Variants in WDR49 observed in about 807,000 individuals in gnomAD.
WDR49 encodes the protein WD repeat domain 49.
Under a neutral mutation model 119.5 loss-of-function variants are expected in WDR49, and 107 were observed. That is an observed-to-expected ratio of 0.90 (90% CI 0.77 to 1.05). The LOEUF is 1.05. Among genes scored for constraint, WDR49 ranks in the 50% least tolerant of loss-of-function variants. WDR49 has a pLI of 0.00. For synonymous variants in WDR49, 425 were observed against 418.8 expected (o/e 1.01, Z -0.18); for missense variants, 1,240 against 1,220.5 (o/e 1.02, Z -0.24).
intron 5 of WDR49, among the ~76,000 whole-genome samples, chr3:167,615,458 A>G (rs903042954): frequency 1.3e-4 from 20 of 151,814 alleles, no homozygotes; most frequent in African/African-American, 4.3e-4. Context: ...AAAAAAAAAA[A>G]AAAAGAAAGA....
At chr3:167,534,432 G>T (rs1237203422) in intron 11 of WDR49, among the ~76,000 whole-genome samples, 1 of 152,128 alleles carries the variant, frequency 6.6e-6, no homozygotes, top group Non-Finnish European at 1.5e-5. Flanking sequence ...TTACACTTCA[G>T]TGCCCATCAC....
chr3:167,562,036 G>T (rs1039448289), intron 8 of WDR49, among the ~76,000 whole-genome samples: 1 of 151,956 alleles, frequency 6.6e-6, no homozygotes, highest in African/African-American at 2.4e-5. Context: ...AGCTGAAGAT[G>T]GAATTTTAGA....
chr3:167,641,379 G>T (rs1251043150), intron 2 of WDR49, among the ~76,000 whole-genome samples: 1 of 151,682 alleles, frequency 6.6e-6, no homozygotes, highest in East Asian at 1.9e-4. Context: ...CTTTTTCTGT[G>T]GTACTTACAG....
chr3:167,595,835 A>T (rs1199302527), intron 7 of WDR49, among the ~76,000 whole-genome samples: 1 of 151,744 alleles, frequency 6.6e-6, no homozygotes, highest in African/African-American at 2.4e-5. Context: ...TAAAACACCA[A>T]AAGCAATGGC....
intron 8 of WDR49, chr3:167,566,977 C>A: frequency 1.8e-6 from 1 of 552,252 alleles, no homozygotes. Context: ...GAAAGGGAGG[C>A]AGGAGGTCAG....
chr3:167,626,276 T>C (rs1717124281), intron 3 of WDR49, among the ~76,000 whole-genome samples: 1 of 152,066 alleles, frequency 6.6e-6, no homozygotes, highest in Non-Finnish European at 1.5e-5. Context: ...AGGTTTCTAA[T>C]ACTATTCTCT....
chr3:167,627,172 C>A lies in WDR49; in HGVS notation c.286G>T (p.Ala96Ser). The A allele has an allele frequency of 4.0e-6, 5 of 1,259,822 alleles. No individual in the cohort carries two copies. In the South Asian group the frequency reaches 1.8e-4, roughly 44 times the overall value. 78.0% of individuals were successfully genotyped at this position (1,259,822 alleles called of 1,614,324 possible). ...TCCCAATTAATGAAGCCATCTTGGG[C>A]CACATCCACTTTGTCAAAGAGCTCC... ...YGELFDKVDVAQDGFINWDKL... is the reference protein window; with the variant it reads ...YGELFDKVDVSQDGFINWDKL... Residue 96 changes from alanine (A) to serine (S), a missense_variant, in exon 3 of 19, where the codon GCC becomes TCC. Physicochemically the swap from Ala to Ser is moderately conservative, Grantham distance 99 (BLOSUM62 1). Coordinates refer to ENST00000682715, the MANE Select transcript of WDR49 (RefSeq NM_001366157.1).
intron 7 of WDR49, among the ~76,000 whole-genome samples, chr3:167,578,157 GT>G (rs1577252206): frequency 1.3e-5 from 2 of 152,016 alleles, no homozygotes; most frequent in Non-Finnish European, 2.9e-5. Context: ...TTCAATATCA[GT>G]TTTCAGATCT....
At chr3:167,532,661 T>A (rs116401212) in intron 12 of WDR49, among the ~76,000 whole-genome samples, 2,725 of 152,232 alleles carry the variant, frequency 0.018, 87 homozygotes, top group African/African-American at 0.061. Context: ...CAATGTAGCA[T>A]AAAGAGAAGA....
chr3:167,643,864 T>A (rs1302799594), intron 2 of WDR49, among the ~76,000 whole-genome samples: 1 of 152,052 alleles, frequency 6.6e-6, no homozygotes, highest in Non-Finnish European at 1.5e-5. Context: ...GAGGGGATCA[T>A]AATAGTGAAT....
intron 5 of WDR49, among the ~76,000 whole-genome samples, chr3:167,617,174 T>C (rs975614575): frequency 3.3e-5 from 5 of 152,096 alleles, no homozygotes; most frequent in African/African-American, 7.2e-5. Flanking sequence ...AAGAGTTTGA[T>C]GTAAGGTGAA....
Position 167,621,544 on chromosome 3 carries a change from G to C in WDR49, c.706C>G (p.Pro236Ala). Reference protein sequence around the residue: ...QYKLQGLKGTPICMDYWYDPL... With the variant: ...QYKLQGLKGTAICMDYWYDPL... ...TCATACCAATAATCCATGCAAATTG[G>C]TGTTCCTTTCAGGCCTTGGAGTTTG... Residue 236 changes from proline (P) to alanine (A), a missense_variant, in exon 4 of 19, where the codon CCA (proline) becomes GCA (alanine). Coordinates refer to ENST00000682715, the MANE Select transcript of WDR49 (RefSeq NM_001366157.1). The C allele has an allele frequency of 6.5e-7, 1 of 1,535,514 alleles. No homozygotes were observed. Among genetic ancestry groups the C allele is most frequent in the Admixed American group, 2.0e-5 (1 of 50,958 alleles).
At position 167,626,936 on chromosome 3, in the gene WDR49, T is replaced by C. The variant is rs776381174; in HGVS notation, c.522A>G (p.Gln174=). 7 of 1,310,734 alleles carry C rather than the reference T, an allele frequency of 5.3e-6. No homozygotes were observed. The highest frequency in any genetic ancestry group is 5.8e-6 in the Non-Finnish European group (6 of 1,030,774). The allele number at this position is 1,310,734 out of a possible 1,614,324, so 81.2% of individuals were successfully genotyped here. ...LAIWGEHLKL[Q]ETFPITSDAT... ...CATCTGAAGTGATGGGGAATGTTTCTTGCAGCTTTAAATGCTCTCCCCAGA... is the reference window on the plus strand; with the variant it reads ...CATCTGAAGTGATGGGGAATGTTTCCTGCAGCTTTAAATGCTCTCCCCAGA... Residue 174 remains glutamine (Q), a synonymous_variant, in exon 3 of 19, where the codon CAA becomes CAG. Coordinates refer to ENST00000682715, the MANE Select transcript of WDR49 (RefSeq NM_001366157.1).
chr3:167,622,426 A>T (rs1465774037), intron 3 of WDR49, among the ~76,000 whole-genome samples: 1 of 152,102 alleles, frequency 6.6e-6, no homozygotes, highest in Non-Finnish European at 1.5e-5. Flanking sequence ...GATTAAATAG[A>T]GAATTTTAAG....
chr3:167,485,956 T>C (rs551738821), intron 18 of WDR49, among the ~76,000 whole-genome samples: 4 of 151,850 alleles, frequency 2.6e-5, no homozygotes, highest in African/African-American at 9.7e-5. Context: ...AGTTAGCAGA[T>C]TCACCAAGGT....
intron 3 of WDR49, 108 bp downstream of exon 3, chr3:167,626,744 G>A (rs369962428): frequency 2.2e-6 from 2 of 925,294 alleles, no homozygotes; most frequent in Non-Finnish European, 2.8e-6. Flanking sequence ...CAGGTCAGGA[G>A]AAAGCCACCA....
At chr3:167,608,943 T>C (rs1229396421) in intron 5 of WDR49, among the ~76,000 whole-genome samples, 1 of 152,226 alleles carries the variant, frequency 6.6e-6, no homozygotes, top group Non-Finnish European at 1.5e-5. Flanking sequence ...TAAGGGACCC[T>C]GCCATCGATC....
intron 7 of WDR49, among the ~76,000 whole-genome samples, chr3:167,581,933 C>T (rs901761994): frequency 1.1e-4 from 17 of 152,020 alleles, no homozygotes; most frequent in African/African-American, 3.9e-4. Context: ...TTAAAGGAGA[C>T]CTGCTTGGCT....
intron 10 of WDR49, among the ~76,000 whole-genome samples, chr3:167,540,012 G>A (rs1711686754): frequency 6.6e-6 from 1 of 152,156 alleles, no homozygotes; most frequent in Non-Finnish European, 1.5e-5. Context: ...GCAACAGGTT[G>A]CTGCAAATTC....
Sources: gnomAD v4.1 joint callset for allele counts (sites outside exome capture counted in the v4.1 genomes callset) on GRCh38, gnomAD v4.1.1 for gene constraint, MANE v1.5 for transcripts, NCBI Gene and HGNC (gene_info 2026-07-23, HGNC 2026-07-21) for gene names.